The following IPO5 variants were observed in gnomAD, a reference collection of about 807,000 sequenced individuals.
IPO5 encodes the protein importin-5.
Under a neutral mutation model 143.3 loss-of-function variants are expected in IPO5, and 18 were observed. That is an observed-to-expected ratio of 0.13 (90% CI 0.09 to 0.19). The LOEUF (loss-of-function observed/expected upper bound fraction) is 0.19. Ranked by LOEUF, IPO5 falls within the 10% of genes least tolerant of loss-of-function variation. The pLI is 1.00. For missense variants in IPO5, 1,013 were observed against 1,336.9 expected (o/e 0.76, Z 3.78); for synonymous variants, 477 against 465.7 (o/e 1.02, Z -0.31).
chr13:97,972,096 C>G (rs1566461238), intron 3 of IPO5, among the ~76,000 whole-genome samples: 2 of 152,108 alleles, frequency 1.3e-5, no homozygotes, highest in Non-Finnish European at 2.9e-5. Flanking sequence ...TAAATTGACC[C>G]TCATAATAAA....
At chr13:97,987,209 T>A (rs914277029) in intron 6 of IPO5, 1 of 159,916 alleles carries the variant, frequency 6.3e-6, no homozygotes, top group African/African-American at 2.4e-5. Context: ...TTTGTCCCAC[T>A]CATCTTCATA....
chr13:97,964,443 C>CTTTTTTTTTTTT (rs369952371), intron 2 of IPO5, among the ~76,000 whole-genome samples: 1 of 108,228 alleles, frequency 9.2e-6, no homozygotes, highest in Non-Finnish European at 1.9e-5. Flanking sequence ...CCATTTCTTT[C>CTTTTTTTTTTTT]TTTTTTTTTT....
chr13:97,979,744 C>T (rs544576845), intron 4 of IPO5: 2 of 378,098 alleles, frequency 5.3e-6, no homozygotes, highest in Non-Finnish European at 1.0e-5. Context: ...GTTGCCCAGG[C>T]TGGTCTTGAA....
intron 11 of IPO5, among the ~76,000 whole-genome samples, chr13:97,997,198 T>G (rs1466857825): frequency 6.6e-6 from 1 of 152,208 alleles, no homozygotes; most frequent in African/African-American, 2.4e-5. Flanking sequence ...TGTATAGAGA[T>G]ATGGAAATCT....
intron 3 of IPO5, among the ~76,000 whole-genome samples, chr13:97,976,203 C>G (rs1886284184): frequency 6.6e-6 from 1 of 151,748 alleles, no homozygotes; most frequent in Admixed American, 6.5e-5. Context: ...AGGCCTCAGG[C>G]CCCTTGCCGC....
intron 5 of IPO5, among the ~76,000 whole-genome samples, chr13:97,984,205 C>G (rs1363476632): frequency 1.3e-5 from 2 of 151,522 alleles, no homozygotes; most frequent in African/African-American, 4.8e-5. Context: ...GTCTCGATCT[C>G]CTGACCTCGT....
intron 2 of IPO5, among the ~76,000 whole-genome samples, chr13:97,958,671 CA>C (rs1185538834): frequency 1.7e-3 from 239 of 138,114 alleles, no homozygotes; most frequent in Middle Eastern, 7.4e-3. Flanking sequence ...AAAACTATCT[CA>C]AAAAAAAAAA....
Position 98,023,827 on chromosome 13 carries a change from T to C in IPO5, c.*2005T>C, listed in dbSNP as rs1890626646. 1.3e-5 allele frequency: 2 copies of C among 152,180 alleles called. No individual in the cohort carries two copies. Among genetic ancestry groups the C allele is most frequent in the South Asian group, 4.1e-4 (2 of 4,826 alleles). The allele number at this position is 152,180 out of a possible 1,614,324, so 9.4% of individuals were successfully genotyped here. A position where few individuals can be genotyped will look rare whatever the true frequency, so the allele number is the denominator to read the frequency against. Reference sequence around the variant, plus strand: ...GTTAATAGGGAAGGTTGGTAGTAAATGCTGTTAGTGTGACATGATTCTGAA... The same window carrying C: ...GTTAATAGGGAAGGTTGGTAGTAAACGCTGTTAGTGTGACATGATTCTGAA... On this transcript the variant is annotated 3_prime_UTR_variant, in exon 29 of 29. Coordinates refer to ENST00000651721, the MANE Select transcript of IPO5 (RefSeq NM_002271.6).
intron 8 of IPO5, 46 bp downstream of exon 8, chr13:97,990,268 A>T (rs770025239): frequency 7.1e-7 from 1 of 1,404,152 alleles, no homozygotes; most frequent in Non-Finnish European, 1.0e-6. Flanking sequence ...TTTTAATCTA[A>T]TTTGCGAAAG....
intron 11 of IPO5, among the ~76,000 whole-genome samples, chr13:97,996,023 T>G (rs1256072049): frequency 6.6e-6 from 1 of 152,154 alleles, no homozygotes; most frequent in African/African-American, 2.4e-5. Context: ...AGAAAATAAT[T>G]ACAGTGCACA....
intron 2 of IPO5, among the ~76,000 whole-genome samples, chr13:97,958,346 AC>A (rs1215377700): frequency 6.6e-6 from 1 of 151,784 alleles, no homozygotes; most frequent in Non-Finnish European, 1.5e-5. Context: ...TCCAGACCTT[AC>A]CCCAAACACC....
intron 4 of IPO5, chr13:97,982,119 T>C (rs1412811276): frequency 5.8e-6 from 1 of 173,910 alleles, no homozygotes; most frequent in Non-Finnish European, 1.2e-5. Context: ...AGTCTAAAAA[T>C]GTTAACGAAA....
intron 7 of IPO5, among the ~76,000 whole-genome samples, chr13:97,989,393 C>G (rs964077380): frequency 6.6e-6 from 1 of 151,978 alleles, no homozygotes; most frequent in East Asian, 1.9e-4. Context: ...CTTGCTTTCT[C>G]TTTGTCTTTT....
At chr13:98,013,256 T>C (rs1889861599) in intron 21 of IPO5, among the ~76,000 whole-genome samples, 1 of 152,138 alleles carries the variant, frequency 6.6e-6, no homozygotes, top group Non-Finnish European at 1.5e-5. Context: ...GTTTTTGTTT[T>C]TAAGTAGAGA....
Position 97,969,815 on chromosome 13 carries a change from C to T in IPO5, c.-20C>T, listed in dbSNP as rs1224734171. On this transcript the variant is annotated 5_prime_UTR_variant, in exon 3 of 29. Coordinates refer to ENST00000651721, the MANE Select transcript of IPO5 (RefSeq NM_002271.6). ...GATCAAGTTGGAAAACTAGAAGCAA[C>T]AGAAAACACAATAAGGTAACTGATT... 18 of 1,611,644 alleles carry T rather than the reference C, an allele frequency of 1.1e-5. No individual in the cohort carries two copies. Among genetic ancestry groups the T allele is most frequent in the Non-Finnish European group, 1.5e-5 (18 of 1,178,330 alleles).
intron 17 of IPO5, among the ~76,000 whole-genome samples, chr13:98,007,059 G>A (rs1889325271): frequency 6.6e-6 from 1 of 151,540 alleles, no homozygotes; most frequent in South Asian, 2.1e-4. Flanking sequence ...TTTTAGTAGA[G>A]ATGGGGTTTC....
At chr13:97,986,314 C>G (rs973906327) in intron 6 of IPO5, among the ~76,000 whole-genome samples, 1 of 151,618 alleles carries the variant, frequency 6.6e-6, no homozygotes, top group African/African-American at 2.4e-5. Flanking sequence ...TGTGTGGTGA[C>G]AAATATATAC....
chr13:98,016,819 G>C lies in IPO5; in HGVS notation c.2584G>C (p.Glu862Gln). ...SYKEKVLPWF[E>Q]QLLPLIVNLI... is the part of the protein sequence containing the mutation. The stretch of plus-strand genomic sequence containing the variant: ...CAAAGAAAAGGTGTTACCATGGTTT[G>C]AACAGCTGCTTCCATTAATTGTCAA... The change falls in exon 25 of 29, where the codon GAA (glutamate) becomes CAA (glutamine). Residue 862 changes from glutamate to glutamine, a missense_variant. Around this residue, in one of 2 missense-constraint regions of IPO5, gnomAD observed 685 missense variants for 994.9 expected, o/e 0.69. Transcript: ENST00000651721. 1 of 1,573,374 alleles carries C rather than the reference G, an allele frequency of 6.4e-7. No homozygotes were observed. The highest frequency in any genetic ancestry group is 8.6e-7 in the Non-Finnish European group (1 of 1,164,150).
intron 2 of IPO5, among the ~76,000 whole-genome samples, chr13:97,969,384 G>A (rs1488440607): frequency 1.3e-5 from 2 of 151,246 alleles, no homozygotes; most frequent in East Asian, 2.0e-4. Flanking sequence ...GGGTTTTACC[G>A]TGTTAGCCAG....
Sources: gnomAD v4.1 joint callset for allele counts (sites outside exome capture counted in the v4.1 genomes callset) on GRCh38, gnomAD v4.1.1 for gene constraint, gnomAD v4.1.1 regional missense constraint, MANE v1.5 for transcripts, NCBI Gene and HGNC (gene_info 2026-07-23, HGNC 2026-07-21) for gene names.